LMX1A: variants seen among roughly 807,000 people sequenced by gnomAD.
LMX1A encodes LIM homeobox transcription factor 1-alpha.
In LMX1A, 15 loss-of-function variants were observed where a neutral mutation model predicts 49.1. That is an observed-to-expected ratio of 0.31 (90% CI 0.20 to 0.47). The LOEUF (loss-of-function observed/expected upper bound fraction) is 0.47, where lower values mean the gene tolerates loss of function less well. Ranked by LOEUF, LMX1A falls within the 20% of genes least tolerant of loss-of-function variation. LMX1A has a pLI of 1.00. For synonymous variants in LMX1A, 167 were observed against 185.7 expected (o/e 0.90, Z 0.82); for missense variants, 372 against 475.8 (o/e 0.78, Z 2.03).
chr1:165,324,700 C>G (rs1655516689), intron 3 of LMX1A, among the ~76,000 whole-genome samples: 1 of 152,148 alleles, frequency 6.6e-6, no homozygotes, highest in South Asian at 2.1e-4. Flanking sequence ...TTACAGTCTA[C>G]AAAGTGTTAC....
At chr1:165,215,247 G>A (rs1651601425) in intron 4 of LMX1A, among the ~76,000 whole-genome samples, 1 of 152,186 alleles carries the variant, frequency 6.6e-6, no homozygotes, top group Non-Finnish European at 1.5e-5. Context: ...GGAGGTGGAA[G>A]TTGCAGCAGC....
At chr1:165,222,178 T>C (rs1303257976) in intron 4 of LMX1A, among the ~76,000 whole-genome samples, 2 of 152,112 alleles carry the variant, frequency 1.3e-5, no homozygotes, top group African/African-American at 2.4e-5. Flanking sequence ...CAAGCCTGGG[T>C]AAATATACTA....
chr1:165,238,627 C>T (rs911371964), intron 4 of LMX1A, among the ~76,000 whole-genome samples: 1 of 152,122 alleles, frequency 6.6e-6, no homozygotes, highest in Admixed American at 6.5e-5. Flanking sequence ...TTCAAATCAC[C>T]TTGTTTTCAT....
chr1:165,221,615 C>A (rs924537383), intron 4 of LMX1A, among the ~76,000 whole-genome samples: 1 of 152,086 alleles, frequency 6.6e-6, no homozygotes, highest in Admixed American at 6.5e-5. Context: ...GGGGAGGGAC[C>A]GGGCAGGTCA....
chr1:165,325,732 AC>A (rs1281597373), intron 3 of LMX1A, among the ~76,000 whole-genome samples: 1 of 152,094 alleles, frequency 6.6e-6, no homozygotes, highest in Non-Finnish European at 1.5e-5. Context: ...GAACTCAAAC[AC>A]CAGCAAGCCT....
At chr1:165,292,401 G>A (rs953450189) in intron 3 of LMX1A, among the ~76,000 whole-genome samples, 2 of 152,222 alleles carry the variant, frequency 1.3e-5, no homozygotes, top group African/African-American at 4.8e-5. Context: ...CGGAAAGTGA[G>A]TCAGAAGTAG....
At chr1:165,301,626 C>T (rs370940405) in intron 3 of LMX1A, among the ~76,000 whole-genome samples, 46 of 152,206 alleles carry the variant, frequency 3.0e-4, no homozygotes, top group African/African-American at 1.0e-3. Context: ...GGTGAGAATG[C>T]GCTGCTAAAT....
At chr1:165,299,176 A>G (rs1007247055) in intron 3 of LMX1A, among the ~76,000 whole-genome samples, 1 of 152,228 alleles carries the variant, frequency 6.6e-6, no homozygotes, top group Non-Finnish European at 1.5e-5. Flanking sequence ...GCTCTCTGAC[A>G]AGAATGCTGT....
intron 3 of LMX1A, among the ~76,000 whole-genome samples, chr1:165,266,210 T>C (rs969055180): frequency 6.6e-6 from 1 of 152,172 alleles, no homozygotes; most frequent in African/African-American, 2.4e-5. Flanking sequence ...GGATGAGAAG[T>C]GCCAGGTCTG....
intron 3 of LMX1A, among the ~76,000 whole-genome samples, chr1:165,264,925 C>T (rs1047867445): frequency 2.6e-5 from 4 of 151,988 alleles, no homozygotes; most frequent in Admixed American, 1.3e-4. Flanking sequence ...AAAGGAAGGC[C>T]GGGCGCGGTG....
chr1:165,234,515 G>A (rs1380534504), intron 4 of LMX1A, among the ~76,000 whole-genome samples: 1 of 152,126 alleles, frequency 6.6e-6, no homozygotes, highest in Admixed American at 6.5e-5. Flanking sequence ...TGGGGGTCTG[G>A]AAAAGAGAGG....
chr1:165,207,912 G>C, intron 7 of LMX1A, 151 bp downstream of exon 7: 1 of 630,104 alleles, frequency 1.6e-6, no homozygotes, highest in Non-Finnish European at 2.7e-6. Context: ...TCGTGGCTCA[G>C]TCTTCCCTTG....
rs3038076 is a variant in LMX1A at position 165,221,908 on chromosome 1, TACACACACAC to T, written c.497-8105_497-8096del. Among the ~76,000 whole-genome samples, 701 of 127,008 alleles carry T rather than the reference TACACACACAC, an allele frequency of 5.5e-3. 5 individuals are homozygous for T. The highest frequency in any genetic ancestry group is 0.016 in the African/African-American group (587 of 36,874). The allele number at this position is 127,008 out of a possible 152,430, so 83.3% of individuals were successfully genotyped here. The stretch of plus-strand genomic sequence containing the variant: ...ACCTACCTTAGCTCTGTCTCCACTC[TACACACACAC>T]ACACACACACACACACACACACACA... On this transcript the variant is annotated intron_variant, in intron 4 of 8. Transcript: ENST00000342310.
chr1:165,245,214 C>T (rs1652799431), intron 4 of LMX1A, among the ~76,000 whole-genome samples: 1 of 152,020 alleles, frequency 6.6e-6, no homozygotes, highest in African/African-American at 2.4e-5. Context: ...GAGCACAGTA[C>T]CCAAGAGTTA....
chr1:165,215,362 A>G (rs1651605158), intron 4 of LMX1A, among the ~76,000 whole-genome samples: 1 of 152,180 alleles, frequency 6.6e-6, no homozygotes, highest in Admixed American at 6.5e-5. Flanking sequence ...CTATGCCCAA[A>G]TGATCTAACA....
At chr1:165,213,593 A>C (rs1651515340) in intron 5 of LMX1A, 48 bp downstream of exon 5, 2 of 1,541,340 alleles carry the variant, frequency 1.3e-6, no homozygotes, top group African/African-American at 2.7e-5. Flanking sequence ...CTGAGTGCAC[A>C]CAGAGAAGTG....
chr1:165,353,152 C>A lies in LMX1A; in HGVS notation c.187G>T (p.Ala63Ser). ...GTCTCCAGGGGCTCTTTGCAGGAGG[C>A]GCACTGCACGCACTGCTCATGCCAG... is the stretch of plus-strand genomic sequence containing the variant. Reference protein sequence around the residue: ...SFWHEQCVQCASCKEPLETTC... With the variant: ...SFWHEQCVQCSSCKEPLETTC... Residue 63 changes from alanine to serine, a missense_variant, in exon 3 of 9, where the codon GCC becomes TCC. By Grantham distance (99) the Ala-to-Ser change is moderately conservative. Transcript: ENST00000342310. 1 of 1,614,136 alleles carries A rather than the reference C, an allele frequency of 6.2e-7. No individual in the cohort carries two copies. The highest frequency in any genetic ancestry group is 8.5e-7 in the Non-Finnish European group (1 of 1,180,012).
chr1:165,249,920 G>A (rs533652779), intron 3 of LMX1A, among the ~76,000 whole-genome samples: 213 of 152,306 alleles, frequency 1.4e-3, no homozygotes, highest in Non-Finnish European at 2.0e-3. Context: ...ACAAGATCAT[G>A]TCCTTTTCAG....
intron 3 of LMX1A, among the ~76,000 whole-genome samples, chr1:165,290,901 G>C (rs919713438): frequency 5.3e-5 from 8 of 152,176 alleles, no homozygotes; most frequent in Admixed American, 1.3e-4. Flanking sequence ...AGGTGATTCT[G>C]ATGCACATAA....
Sources: gnomAD v4.1 joint callset for allele counts (sites outside exome capture counted in the v4.1 genomes callset) on GRCh38, gnomAD v4.1.1 for gene constraint, MANE v1.5 for transcripts, NCBI Gene and HGNC (gene_info 2026-07-23, HGNC 2026-07-21) for gene names.